Variants in ZNF829 observed in about 807,000 individuals in gnomAD.
The protein encoded by ZNF829 is zinc finger protein 829.
In ZNF829, 25 loss-of-function variants were observed where a neutral mutation model predicts 35.2. The observed-to-expected ratio is 0.71, with a 90% CI of 0.52 to 0.99. ZNF829 has a LOEUF of 0.99. Among genes scored for constraint, ZNF829 ranks in the 50% least tolerant of loss-of-function variants. The pLI is 0.00. For synonymous variants in ZNF829, 136 were observed against 163.2 expected (o/e 0.83, Z 1.27); for missense variants, 417 against 515.3 (o/e 0.81, Z 1.85).
intron 3 of ZNF829, among the ~76,000 whole-genome samples, chr19:36,913,813 C>T (rs2073283451): frequency 6.6e-6 from 1 of 152,036 alleles, no homozygotes; most frequent in Non-Finnish European, 1.5e-5. Flanking sequence ...ACTAAAATTA[C>T]AGAAAGCCAA....
chr19:36,906,357 T>G (rs1463979849), intron 5 of ZNF829: 1 of 152,098 alleles, frequency 6.6e-6, no homozygotes, highest in Non-Finnish European at 1.5e-5. Context: ...ACATAGAATA[T>G]AATAAGAATT....
In ZNF829 at chr19:36,907,818, T is replaced by C. The variant is rs79634938; in HGVS notation, c.319+111A>G. 6 of 782,882 alleles carry C rather than the reference T, an allele frequency of 7.7e-6. No homozygotes were observed. The Admixed American group carries it at 9.6e-5, about 13-fold the overall frequency. The allele number at this position is 782,882 out of a possible 1,614,324, so 48.5% of individuals were successfully genotyped here. On this transcript the variant is annotated intron_variant, in intron 5 of 5. Coordinates refer to ENST00000391711, the MANE Select transcript of ZNF829 (RefSeq NM_001037232.4). ...AAAAGTATGAGAAAAAAAAAAAAAG[T>C]GGGATAGCTTATATGGAAGAGGCTT... is the stretch of plus-strand genomic sequence containing the variant.
At chr19:36,892,793 A>T in intron 5 of ZNF829, 1 of 564,080 alleles carries the variant, frequency 1.8e-6, no homozygotes, top group Non-Finnish European at 2.7e-6. Flanking sequence ...TTAAAAAAAA[A>T]AAATTTTTTT....
chr19:36,895,302 G>T (rs1236139533), intron 5 of ZNF829, among the ~76,000 whole-genome samples: 6 of 152,114 alleles, frequency 3.9e-5, no homozygotes, highest in Non-Finnish European at 8.8e-5. Context: ...AAATGGCAAA[G>T]GGTGTCCTAC....
At chr19:36,914,584 A>G (rs2073292591) in intron 3 of ZNF829, among the ~76,000 whole-genome samples, 1 of 152,202 alleles carries the variant, frequency 6.6e-6, no homozygotes, top group Admixed American at 6.6e-5. Context: ...AGTTTTTGCA[A>G]ACATCAAAAA....
At position 36,891,618 on chromosome 19, in the gene ZNF829, T is replaced by C. The variant is rs1217552528; in HGVS notation, c.1173A>G (p.Lys391=). The change falls in exon 6 of 6, where the codon AAA becomes AAG. Residue 391 remains lysine, a synonymous_variant. Coordinates refer to ENST00000391711, the MANE Select transcript of ZNF829 (RefSeq NM_001037232.4). ...ECNECGKAFN[K]GSNLTRHQRI... ...TCTGATGTCGAGTAAGATTTGAGCC[T>C]TTATTAAAGGCCTTCCCACATTCAT... 2.5e-6 allele frequency: 4 copies of C among 1,598,198 alleles called. No individual in the cohort carries two copies. In the African/African-American group the frequency reaches 4.1e-5, roughly 16 times the overall value.
rs184926152 is a variant in ZNF829 at position 36,904,302 on chromosome 19, A to G, written c.319+3627T>C. On this transcript the variant is annotated intron_variant, in intron 5 of 5. Transcript: ENST00000391711. ...TGCAAAATTTGAAGGTAGGTATCAG[A>G]AGAATGAAAGTAAGAGTTGAAAATG... Among the ~76,000 whole-genome samples the G allele has an allele frequency of 3.4e-3, 512 of 152,368 alleles. 2 individuals are homozygous for G. The highest frequency in any genetic ancestry group is 6.4e-3 in the Non-Finnish European group (437 of 68,032).
At chr19:36,900,211 G>A (rs1447900959) in intron 5 of ZNF829, among the ~76,000 whole-genome samples, 2 of 151,236 alleles carry the variant, frequency 1.3e-5, no homozygotes, top group East Asian at 3.9e-4. Flanking sequence ...TTTGCTGGGC[G>A]TGGTGGTATG....
At position 36,916,191 on chromosome 19, in the gene ZNF829, G is replaced by T. The variant is rs544374411; in HGVS notation, c.-265C>A. ...CCCTCAACTCTCAACATCCAGCCGAGCCTCGGAGTTGCGGGTCGCCGTAGC... is the reference window on the plus strand; with the variant it reads ...CCCTCAACTCTCAACATCCAGCCGATCCTCGGAGTTGCGGGTCGCCGTAGC... On this transcript the variant is annotated 5_prime_UTR_variant, in exon 1 of 6. Coordinates refer to ENST00000391711, the MANE Select transcript of ZNF829 (RefSeq NM_001037232.4). This position sits in a 1 kb window ranked among gnomAD's most constrained non-coding sequence, Gnocchi z 5.3. 2.1e-5 allele frequency: 10 copies of T among 482,620 alleles called. 1 individual carries two copies. The South Asian group carries it at 2.9e-4, about 14-fold the overall frequency. 29.9% of individuals were successfully genotyped at this position (482,620 alleles called of 1,614,324 possible). A position where few individuals can be genotyped will look rare whatever the true frequency, so the allele number is the denominator to read the frequency against.
rs910549888 is a variant in ZNF829, at chr19:36,888,305, A to G, written c.*3187T>C. The G allele has an allele frequency of 4.6e-5, 7 of 151,358 alleles. No individual in the cohort carries two copies. The highest frequency in any genetic ancestry group is 1.7e-4 in the African/African-American group (7 of 40,640). The allele number at this position is 151,358 out of a possible 1,614,324, so 9.4% of individuals were successfully genotyped here. A position where few individuals can be genotyped will look rare whatever the true frequency, so the allele number is the denominator to read the frequency against. On this transcript the variant is annotated 3_prime_UTR_variant, in exon 6 of 6. Transcript: ENST00000391711. The stretch of plus-strand genomic sequence containing the variant: ...TTCCAGGGAAGATGTTTCCTGTTCT[A>G]TCTCCCAACACATACAGTGTTATTA...
At chr19:36,915,968 T>A (rs2073324342) in intron 1 of ZNF829, 43 bp downstream of exon 1, 1 of 1,528,846 alleles carries the variant, frequency 6.5e-7, no homozygotes, top group Non-Finnish European at 8.8e-7. Flanking sequence ...GGATGGGAAC[T>A]TGCAGACCTG....
At position 36,915,992 on chromosome 19, in the gene ZNF829, G is replaced by A. The variant is rs1282274098; in HGVS notation, c.-85+19C>T. The A allele has an allele frequency of 2.1e-6, 3 of 1,462,214 alleles. No homozygotes were observed. The highest frequency in any genetic ancestry group is 2.7e-6 in the Non-Finnish European group (3 of 1,091,844). 90.6% of individuals were successfully genotyped at this position (1,462,214 alleles called of 1,614,324 possible). A position where few individuals can be genotyped will look rare whatever the true frequency, so the allele number is the denominator to read the frequency against. On this transcript the variant is annotated intron_variant, in intron 1 of 5. Coordinates refer to ENST00000391711, the MANE Select transcript of ZNF829 (RefSeq NM_001037232.4). Reference sequence around the variant, plus strand: ...CTTGCAGACCTGAGCCAGTTCTCCTGGGGACCAAAATATCTCACCTCCCAG... The same window carrying A: ...CTTGCAGACCTGAGCCAGTTCTCCTAGGGACCAAAATATCTCACCTCCCAG...
chr19:36,899,460 C>G (rs1352980093), intron 5 of ZNF829, among the ~76,000 whole-genome samples: 2 of 151,130 alleles, frequency 1.3e-5, no homozygotes, highest in Non-Finnish European at 2.9e-5. Flanking sequence ...AAAAATGACA[C>G]TGGGTACATT....
At chr19:36,904,055 A>G (rs189184092) in intron 5 of ZNF829, among the ~76,000 whole-genome samples, 5 of 152,352 alleles carry the variant, frequency 3.3e-5, no homozygotes, top group Non-Finnish European at 7.3e-5. Flanking sequence ...AGTACAAACT[A>G]CAATACAAAT....
At chr19:36,914,843 T>C (rs1427650938) in intron 3 of ZNF829, 122 bp downstream of exon 3, 4 of 835,024 alleles carry the variant, frequency 4.8e-6, no homozygotes, top group Non-Finnish European at 7.6e-6. Flanking sequence ...GAGAAGAAAA[T>C]TCAGCAAGCA....
chr19:36,915,644 C>A (rs1232542300), intron 1 of ZNF829, among the ~76,000 whole-genome samples: 1 of 152,126 alleles, frequency 6.6e-6, no homozygotes, highest in African/African-American at 2.4e-5. Flanking sequence ...TGTCGCCAGG[C>A]TGGAGTGCAG....
intron 5 of ZNF829, among the ~76,000 whole-genome samples, chr19:36,902,879 T>G (rs1252692416): frequency 6.6e-6 from 1 of 151,764 alleles, no homozygotes; most frequent in East Asian, 2.0e-4. Context: ...CTACTAAAAA[T>G]ACAAAAATTA....
chr19:36,907,035 C>G (rs2073221992), intron 5 of ZNF829: 1 of 132,602 alleles, frequency 7.5e-6, no homozygotes, highest in Non-Finnish European at 1.5e-5. Context: ...TTGCAGTGAG[C>G]TGAGATCACA....
intron 3 of ZNF829, among the ~76,000 whole-genome samples, chr19:36,910,336 C>T (rs543477319): frequency 1.3e-5 from 2 of 152,280 alleles, no homozygotes; most frequent in East Asian, 1.9e-4. Flanking sequence ...CCACCTGCCT[C>T]AGCCTCCCAA....
Sources: gnomAD v4.1 joint callset for allele counts (sites outside exome capture counted in the v4.1 genomes callset) on GRCh38, gnomAD v4.1.1 for gene constraint, Gnocchi (gnomAD v3.1) non-coding constraint, MANE v1.5 for transcripts, NCBI Gene and HGNC (gene_info 2026-07-23, HGNC 2026-07-21) for gene names.